The following RAD54B variants were observed in gnomAD, a reference collection of about 807,000 sequenced individuals.
RAD54B encodes the protein DNA repair and recombination protein RAD54B.
In RAD54B, 78 loss-of-function variants were observed where a neutral mutation model predicts 95.8. The observed-to-expected ratio is 0.81, with a 90% confidence interval of 0.68 to 0.98. The LOEUF is 0.98. Among genes scored for constraint, RAD54B ranks in the 50% least tolerant of loss-of-function variants. The pLI is 0.00. For missense variants in RAD54B, 957 were observed against 1,056.6 expected, an observed-to-expected ratio of 0.91 and a Z score of 1.31; for synonymous variants, 328 against 354.9, an observed-to-expected ratio of 0.92 and a Z score of 0.85.
In RAD54B at chr8:94,413,168, C is replaced by A. The variant is rs548493272; in HGVS notation, c.305-1853G>T. 2.6e-5 allele frequency among the ~76,000 whole-genome samples: 4 copies of A among 152,130 alleles called. No homozygotes were observed. The East Asian group carries it at 5.8e-4, about 22-fold the overall frequency. On this transcript the variant is annotated intron_variant, in intron 3 of 14. Transcript: ENST00000336148. ...AACGATCAATATATTTAACACAATA[C>A]CAATCAAAATCCCAGGACATTTTTA...
At position 94,387,323 on chromosome 8, in the gene RAD54B, A is replaced by T. The variant is rs2470740; in HGVS notation, c.1810-164T>A. The T allele has an allele frequency of 0.5, 278,373 of 556,168 alleles. 75,488 individuals are homozygous for T. Among genetic ancestry groups the T allele is most frequent in the Non-Finnish European group, 0.58 (191,632 of 330,304 alleles). 34.5% of individuals were successfully genotyped at this position (556,168 alleles called of 1,614,324 possible). ...ATAGGTCATGATTTGATCATTTTTTAAAAAAGTAACATGCCTTCTACTGAG... is the reference window on the plus strand; with the variant it reads ...ATAGGTCATGATTTGATCATTTTTTTAAAAAGTAACATGCCTTCTACTGAG... On this transcript the variant is annotated intron_variant, in intron 10 of 14. Coordinates refer to ENST00000336148, the MANE Select transcript of RAD54B (RefSeq NM_012415.3).
intron 5 of RAD54B, among the ~76,000 whole-genome samples, chr8:94,406,522 G>A (rs1811392334): frequency 6.6e-6 from 1 of 152,126 alleles, no homozygotes; most frequent in African/African-American, 2.4e-5. Context: ...TTTTAATTGT[G>A]GGGTTTTGTC....
intron 3 of RAD54B, among the ~76,000 whole-genome samples, chr8:94,412,259 T>C (rs997108521): frequency 6.6e-6 from 1 of 152,170 alleles, no homozygotes; most frequent in African/African-American, 2.4e-5. Context: ...CAAGAAGTTT[T>C]TAATCCATTC....
At chr8:94,427,603 TATAAC>T in intron 3 of RAD54B, 2 of 541,128 alleles carry the variant, frequency 3.7e-6, no homozygotes, top group Non-Finnish European at 4.7e-6. Flanking sequence ...GGCCATCTAT[TATAAC>T]ATAATCATCT....
chr8:94,378,030 T>A (rs1810637870), intron 14 of RAD54B, 150 bp downstream of exon 14: 1 of 449,900 alleles, frequency 2.2e-6, no homozygotes, highest in African/African-American at 2.1e-5. Context: ...CAAATATCTC[T>A]ATCTGGCAGC....
At chr8:94,382,113 C>CAAAA (rs537712504) in intron 11 of RAD54B, among the ~76,000 whole-genome samples, 2 of 106,772 alleles carry the variant, frequency 1.9e-5, no homozygotes, top group African/African-American at 7.3e-5. Context: ...GACTCCCTCT[C>CAAAA]AAAAAAAAAA....
chr8:94,457,598 G>A (rs1812807026), intron 3 of RAD54B, among the ~76,000 whole-genome samples: 3 of 152,174 alleles, frequency 2.0e-5, no homozygotes, highest in African/African-American at 7.2e-5. Context: ...CTATTCTGTA[G>A]CCCAACAGAT....
At chr8:94,383,284 C>CAAA (rs34552024) in intron 11 of RAD54B, among the ~76,000 whole-genome samples, 40,855 of 82,756 alleles carry the variant, frequency 0.49, 10,182 homozygotes, top group Non-Finnish European at 0.62. Context: ...GACTCCATCT[C>CAAA]AAAAAAAAAA....
rs1284848828 is a variant in RAD54B, at chr8:94,403,264, G to GT, written c.944+812dup. On this transcript the variant is annotated intron_variant, in intron 6 of 14. Transcript: ENST00000336148. ...GGGCCTTTGATTCTTTTTTTCTCCT[G>GT]TTTTTTTGTGTCCTCTAAAATATCT... 1.6e-4 allele frequency among the ~76,000 whole-genome samples: 25 copies of GT among 152,212 alleles called. No homozygotes were observed. In the East Asian group the frequency reaches 2.5e-3, roughly 15 times the overall value.
At chr8:94,413,493 C>A (rs1811578857) in intron 3 of RAD54B, among the ~76,000 whole-genome samples, 1 of 152,098 alleles carries the variant, frequency 6.6e-6, no homozygotes, top group African/African-American at 2.4e-5. Context: ...CAACTGGATA[C>A]ACATTTGGAA....
At position 94,396,257 on chromosome 8, in the gene RAD54B, G is replaced by GA. The variant is rs72247843; in HGVS notation, c.1379-2376dup. Among the ~76,000 whole-genome samples, 919 of 135,104 alleles carry GA rather than the reference G, an allele frequency of 6.8e-3. 6 individuals are homozygous for GA. The highest frequency in any genetic ancestry group is 8.7e-3 in the Non-Finnish European group (529 of 60,902). 88.6% of individuals were successfully genotyped at this position (135,104 alleles called of 152,430 possible). ...TCTAGACTAGGTAAAACCTGTAGAA[G>GA]AAAAAAAAAAAACTAAAGATTTTCA... On this transcript the variant is annotated intron_variant, in intron 8 of 14. Coordinates refer to ENST00000336148, the MANE Select transcript of RAD54B (RefSeq NM_012415.3).
intron 3 of RAD54B, among the ~76,000 whole-genome samples, chr8:94,419,329 G>A (rs377176240): frequency 1.3e-5 from 2 of 152,096 alleles, no homozygotes; most frequent in African/African-American, 4.8e-5. Context: ...CCAACATGGT[G>A]AAACCCTGTC....
At chr8:94,436,392 CGT>C in intron 3 of RAD54B, 1 of 1,337,352 alleles carries the variant, frequency 7.5e-7, no homozygotes, top group Non-Finnish European at 9.8e-7. Flanking sequence ...TCATTGCTCC[CGT>C]TGTGGGGATG....
intron 6 of RAD54B, 100 bp downstream of exon 6, chr8:94,403,977 C>T (rs1811320971): frequency 6.3e-6 from 6 of 949,962 alleles, no homozygotes. Flanking sequence ...ATAGTGTACC[C>T]TCAGGACTCA....
intron 5 of RAD54B, 147 bp from the exon 6 acceptor site, chr8:94,404,386 G>A: frequency 1.6e-6 from 1 of 608,270 alleles, no homozygotes; most frequent in Non-Finnish European, 2.6e-6. Context: ...GTTACCCAAG[G>A]GCACAAAATT....
intron 2 of RAD54B, among the ~76,000 whole-genome samples, chr8:94,463,893 C>CA (rs553168595): frequency 0.017 from 1,571 of 90,742 alleles, 33 homozygotes; most frequent in African/African-American, 0.051. Flanking sequence ...GACCCTATCT[C>CA]AAAAAAAAAA....
rs1250431336 is a variant in RAD54B at position 94,391,598 on chromosome 8, T to C, written c.1809+11A>G. ...ATATCCCTGACACAGTTTCAGATACTATGCACTTACCTTTATAGAGTTGAA... is the reference window on the plus strand; with the variant it reads ...ATATCCCTGACACAGTTTCAGATACCATGCACTTACCTTTATAGAGTTGAA... On this transcript the variant is annotated intron_variant, in intron 10 of 14. Transcript: ENST00000336148. 3 of 1,610,288 alleles carry C rather than the reference T, an allele frequency of 1.9e-6. No individual in the cohort carries two copies. The highest frequency in any genetic ancestry group is 2.5e-6 in the Non-Finnish European group (3 of 1,178,424).
At chr8:94,407,311 T>C in intron 5 of RAD54B, 128 bp downstream of exon 5, 1 of 874,762 alleles carries the variant, frequency 1.1e-6, no homozygotes, top group Non-Finnish European at 1.7e-6. Flanking sequence ...TTATGTCAGA[T>C]TATATATCTC....
chr8:94,388,371 G>C (rs1810941751), intron 10 of RAD54B, among the ~76,000 whole-genome samples: 1 of 151,884 alleles, frequency 6.6e-6, no homozygotes, highest in African/African-American at 2.4e-5. Context: ...GCTTACTTTA[G>C]TGTAAAAATA....
Sources: gnomAD v4.1 joint callset for allele counts (sites outside exome capture counted in the v4.1 genomes callset) on GRCh38, gnomAD v4.1.1 for gene constraint, MANE v1.5 for transcripts, NCBI Gene and HGNC (gene_info 2026-07-23, HGNC 2026-07-21) for gene names.